MAD1L1: variants seen among roughly 807,000 people sequenced by gnomAD.
MAD1L1 encodes the protein mitotic arrest deficient 1 like 1.
A neutral mutation model predicts 96.9 loss-of-function variants in MAD1L1; 95 were observed. That is an observed-to-expected ratio of 0.98 (90% confidence interval 0.83 to 1.16). MAD1L1 has a LOEUF of 1.16. Ranked by LOEUF, MAD1L1 falls within the 50% of genes most tolerant of loss-of-function variation. The pLI is 0.00. For synonymous variants in MAD1L1, 473 were observed against 396.6 expected (o/e 1.19, Z -2.29); for missense variants, 1,007 against 954.4 (o/e 1.06, Z -0.73).
chr7:2,050,327 C>T (rs894917682), intron 12 of MAD1L1, among the ~76,000 whole-genome samples: 4 of 152,242 alleles, frequency 2.6e-5, no homozygotes, highest in Admixed American at 6.5e-5. Context: ...GATGGAACCT[C>T]ACGCGCCTGC....
intron 16 of MAD1L1, among the ~76,000 whole-genome samples, chr7:1,941,686 T>C (rs1369367424): frequency 6.6e-6 from 1 of 152,186 alleles, no homozygotes; most frequent in Non-Finnish European, 1.5e-5. Context: ...CGGCGCAGGT[T>C]CCCGTGGCCC....
chr7:1,908,792 G>A (rs1787832898), intron 17 of MAD1L1, among the ~76,000 whole-genome samples: 2 of 152,152 alleles, frequency 1.3e-5, no homozygotes, highest in African/African-American at 4.8e-5. Flanking sequence ...GCAGAGCCGT[G>A]TCTCTGTTCT....
chr7:2,131,905 G>C (rs962816293), intron 11 of MAD1L1, among the ~76,000 whole-genome samples: 4 of 152,184 alleles, frequency 2.6e-5, no homozygotes, highest in Non-Finnish European at 4.4e-5. Context: ...CCCCCACAAG[G>C]GCCTGACCAT....
In MAD1L1 at chr7:2,146,224, C is replaced by A. The variant is rs1356704445; in HGVS notation, c.1073+2928G>T. On this transcript the variant is annotated intron_variant, in intron 11 of 18. Coordinates refer to ENST00000265854, the MANE Select transcript of MAD1L1 (RefSeq NM_001013836.2). This position sits in a 1 kb window ranked among gnomAD's most constrained non-coding sequence, Gnocchi z 6.2. ...ACGTGAGCTACCCCAGCGGCACCGT[C>A]ACAGCAGCACCGCCTGGAAGAGGGA... Among the ~76,000 whole-genome samples, 2 of 152,210 alleles carry A rather than the reference C, an allele frequency of 1.3e-5. No homozygotes were observed. Among genetic ancestry groups the A allele is most frequent in the East Asian group, 3.8e-4 (2 of 5,200 alleles).
chr7:1,956,703 T>C (rs1028238232), intron 16 of MAD1L1, among the ~76,000 whole-genome samples: 2 of 151,864 alleles, frequency 1.3e-5, no homozygotes, highest in African/African-American at 4.8e-5. Flanking sequence ...CACAGAGGAG[T>C]GCTCCGCTAG....
chr7:1,927,276 G>C (rs73671932), intron 17 of MAD1L1, among the ~76,000 whole-genome samples: 1 of 152,314 alleles, frequency 6.6e-6, no homozygotes, highest in South Asian at 2.1e-4. Flanking sequence ...TCATGTATCG[G>C]AAGACTCACT....
chr7:1,966,411 G>A (rs1780167501), intron 15 of MAD1L1, among the ~76,000 whole-genome samples: 1 of 152,236 alleles, frequency 6.6e-6, no homozygotes, highest in Admixed American at 6.5e-5. Context: ...TGGGAAGTGC[G>A]GCGGAGAGGG....
intron 12 of MAD1L1, among the ~76,000 whole-genome samples, chr7:2,063,852 C>A (rs903545175): frequency 6.6e-6 from 1 of 152,204 alleles, no homozygotes; most frequent in South Asian, 2.1e-4. Context: ...CTCGGGGCAG[C>A]CAGCCTCCCT....
At chr7:2,206,648 A>G (rs764202903) in intron 10 of MAD1L1, among the ~76,000 whole-genome samples, 2 of 152,260 alleles carry the variant, frequency 1.3e-5, no homozygotes, top group Non-Finnish European at 2.9e-5. Flanking sequence ...TTACATGTCT[A>G]TACTTAATAC....
intron 11 of MAD1L1, among the ~76,000 whole-genome samples, chr7:2,129,575 G>A (rs541781465): frequency 4.0e-4 from 61 of 152,286 alleles, no homozygotes; most frequent in African/African-American, 1.3e-3. Flanking sequence ...GGTGCCTCCC[G>A]TCATGAGGAG....
chr7:2,010,425 C>A (rs1028714095), intron 13 of MAD1L1, among the ~76,000 whole-genome samples: 1 of 152,198 alleles, frequency 6.6e-6, no homozygotes, highest in African/African-American at 2.4e-5. Flanking sequence ...GCGCAGTAAT[C>A]GCTTTTAATT....
Position 2,075,151 on chromosome 7 carries a change from G to C in MAD1L1, c.1074-5813C>G, listed in dbSNP as rs142143041. Among the ~76,000 whole-genome samples, 223 of 152,318 alleles carry C rather than the reference G, an allele frequency of 1.5e-3. 1 individual carries two copies. The highest frequency in any genetic ancestry group is 2.4e-3 in the Non-Finnish European group (162 of 68,038). On this transcript the variant is annotated intron_variant, in intron 11 of 18. Transcript: ENST00000265854. ...CCAGCAGAGGCAGCCCTGTCCTGAA[G>C]ACCCGAGGAAGTGGCAATTAGGAGC...
intron 15 of MAD1L1, among the ~76,000 whole-genome samples, chr7:1,969,663 G>A (rs1780321057): frequency 6.6e-6 from 1 of 152,164 alleles, no homozygotes; most frequent in African/African-American, 2.4e-5. Context: ...AACAAAATCA[G>A]CAAAGTTGCA....
intron 10 of MAD1L1, among the ~76,000 whole-genome samples, chr7:2,180,295 A>C (rs771795554): frequency 6.6e-6 from 1 of 152,256 alleles, no homozygotes; most frequent in Non-Finnish European, 1.5e-5. Flanking sequence ...GGGCAAAGGC[A>C]GAGTGGCCAC....
At chr7:2,151,652 G>A (rs933691200) in intron 10 of MAD1L1, among the ~76,000 whole-genome samples, 1 of 152,270 alleles carries the variant, frequency 6.6e-6, no homozygotes, top group African/African-American at 2.4e-5. Flanking sequence ...GCTGGGAGCT[G>A]GGGTAAGATC....
At chr7:1,963,231 G>A (rs538441872) in intron 15 of MAD1L1, among the ~76,000 whole-genome samples, 51 of 152,214 alleles carry the variant, frequency 3.4e-4, no homozygotes, top group Non-Finnish European at 6.5e-4. Context: ...GTCTCCATAC[G>A]ACAGAACACA....
chr7:2,215,987 C>T lies in MAD1L1; in HGVS notation c.822G>A (p.Glu274=). 6.2e-7 allele frequency: 1 copy of T among 1,614,160 alleles called. No individual in the cohort carries two copies. The highest frequency in any genetic ancestry group is 8.5e-7 in the Non-Finnish European group (1 of 1,180,026). The change falls in exon 9 of 19, where the codon GAG becomes GAA. Residue 274 remains glutamate (E), a synonymous_variant. Coordinates refer to ENST00000265854, the MANE Select transcript of MAD1L1 (RefSeq NM_001013836.2). ...EESAHLREMR[E]TNGLLQEELE... ...GCTCTTCCTGGAGCAGCCCGTTGGT[C>T]TCTCTCATCTCCCTGGCAGTGCCAC...
intron 11 of MAD1L1, among the ~76,000 whole-genome samples, chr7:2,145,240 ACT>A (rs200693593): frequency 0.013 from 1,917 of 152,242 alleles, 31 homozygotes; most frequent in African/African-American, 0.044. Context: ...CCCCACAGAC[ACT>A]CTCTCTGCTG....
intron 18 of MAD1L1, among the ~76,000 whole-genome samples, chr7:1,843,962 T>G (rs1783433600): frequency 6.6e-6 from 1 of 152,156 alleles, no homozygotes; most frequent in African/African-American, 2.4e-5. Flanking sequence ...GAAGTTTGGT[T>G]TCTTCTGAGG....
Sources: allele counts gnomAD v4.1 joint callset (sites outside exome capture counted in the v4.1 genomes callset), GRCh38; gene constraint gnomAD v4.1.1; non-coding constraint Gnocchi (gnomAD v3.1); transcripts MANE v1.5; gene names NCBI Gene and HGNC (gene_info 2026-07-23, HGNC 2026-07-21).